The following RBFOX1 variants were observed in gnomAD, a reference collection of about 807,000 sequenced individuals.
RBFOX1 encodes the protein RNA binding protein fox-1 homolog 1.
In RBFOX1, 8 loss-of-function variants were observed where a neutral mutation model predicts 57.7. The ratio of observed to expected loss-of-function variants is 0.14; its 90% CI spans 0.08 to 0.25. RBFOX1 has a LOEUF of 0.25. Ranked by LOEUF, RBFOX1 falls within the 10% of genes least tolerant of loss-of-function variation. The pLI is 1.00. For synonymous variants in RBFOX1, 326 were observed against 222.4 expected (o/e 1.47, Z -4.15); for missense variants, 611 against 548.5 (o/e 1.11, Z -1.14).
rs575020810 is a variant in RBFOX1 at position 7,043,746 on chromosome 16, T to C, written c.-15-8311T>C. 1.1e-4 allele frequency among the ~76,000 whole-genome samples: 16 copies of C among 152,336 alleles called. No individual in the cohort carries two copies. In the East Asian group the frequency reaches 3.1e-3, roughly 29 times the overall value. On this transcript the variant is annotated intron_variant, in intron 3 of 15. Transcript: ENST00000550418. ...CATTTATTGTGTGTCTTCTGTTTCT[T>C]TGGACTCCTACTTTCCCCAGTTCAA... is the stretch of plus-strand genomic sequence containing the variant.
Position 5,787,453 on chromosome 16 carries a change from G to T in RBFOX1, c.319-79850G>T, listed in dbSNP as rs114999743. 7.1e-3 allele frequency among the ~76,000 whole-genome samples: 1,083 copies of T among 152,330 alleles called. 15 individuals carry two copies. The highest frequency in any genetic ancestry group is 0.025 in the African/African-American group (1,022 of 41,572). ...TGGTCATCTGAATAATAAAGTCACT[G>T]TAGTTTGCAGTGGGCTTACCTCATG... On this transcript the variant is annotated intron_variant, in intron 3 of 19. Transcript: ENST00000641259.
intron 3 of RBFOX1, among the ~76,000 whole-genome samples, chr16:6,984,198 G>A (rs775996036): frequency 2.4e-4 from 36 of 152,156 alleles, no homozygotes; most frequent in Admixed American, 1.2e-3. Flanking sequence ...GGTGAGCCGA[G>A]ATAGTGCCAT....
At chr16:7,313,776 G>C (rs145183390) in intron 4 of RBFOX1, among the ~76,000 whole-genome samples, 1 of 152,112 alleles carries the variant, frequency 6.6e-6, no homozygotes, top group Non-Finnish European at 1.5e-5. Context: ...CAAGGCTTAG[G>C]TGGGAGAGCT....
intron 3 of RBFOX1, among the ~76,000 whole-genome samples, chr16:6,861,020 C>G (rs183789858): frequency 7.2e-5 from 11 of 152,210 alleles, no homozygotes; most frequent in African/African-American, 2.2e-4. Flanking sequence ...AGTATGCCCA[C>G]CACTGTTAGG....
intron 1 of RBFOX1, among the ~76,000 whole-genome samples, chr16:6,220,346 C>T (rs2097364546): frequency 6.6e-6 from 1 of 152,078 alleles, no homozygotes; most frequent in Admixed American, 6.6e-5. Flanking sequence ...CTAGGCCCAC[C>T]CCTTTATTCT....
At chr16:6,637,473 A>ATATGTAAATG (rs2098454036) in intron 2 of RBFOX1, among the ~76,000 whole-genome samples, 1 of 79,320 alleles carries the variant, frequency 1.3e-5, no homozygotes, top group East Asian at 4.1e-4. Flanking sequence ...ATTATATATT[A>ATATGTAAATG]TATATAATAT....
chr16:5,475,998 C>T (rs759647350), intron 2 of RBFOX1, among the ~76,000 whole-genome samples: 2 of 152,042 alleles, frequency 1.3e-5, no homozygotes, highest in South Asian at 2.1e-4. Flanking sequence ...GCCAAGTGTA[C>T]GTGGCTTTGA....
chr16:6,637,281 A>ATATAT lies in RBFOX1; in HGVS notation c.-63-17321_-63-17317dup, dbSNP rs2098448381. The stretch of plus-strand genomic sequence containing the variant: ...AATATACAAATATATATTATATATT[A>ATATAT]TATATAATATATAATATACAAATAT... On this transcript the variant is annotated intron_variant, in intron 2 of 15. Transcript: ENST00000550418. 3.3e-5 allele frequency among the ~76,000 whole-genome samples: 2 copies of ATATAT among 61,380 alleles called. 1 individual carries two copies. The highest frequency in any genetic ancestry group is 1.7e-4 in the African/African-American group (2 of 11,756). The allele number at this position is 61,380 out of a possible 152,430, so 40.3% of individuals were successfully genotyped here.
At chr16:5,424,137 G>C (rs1056447514) in intron 1 of RBFOX1, among the ~76,000 whole-genome samples, 1 of 152,120 alleles carries the variant, frequency 6.6e-6, no homozygotes, top group Non-Finnish European at 1.5e-5. Context: ...ATCCCTCATG[G>C]TTAATAAACT....
At chr16:6,815,758 T>A (rs1408775792) in intron 3 of RBFOX1, among the ~76,000 whole-genome samples, 3 of 152,194 alleles carry the variant, frequency 2.0e-5, no homozygotes. Context: ...AGTCTATAGT[T>A]TGCAGCCAAA....
chr16:5,563,237 C>A (rs1184000914), intron 2 of RBFOX1, among the ~76,000 whole-genome samples: 1 of 152,204 alleles, frequency 6.6e-6, no homozygotes, highest in Non-Finnish European at 1.5e-5. Flanking sequence ...GCGTGAGCCA[C>A]CGCGCCCAGC....
At chr16:7,384,213 T>C (rs59459363) in intron 4 of RBFOX1, among the ~76,000 whole-genome samples, 2,296 of 151,932 alleles carry the variant, frequency 0.015, 59 homozygotes, top group African/African-American at 0.053. Context: ...ATGAAACATA[T>C]ATGAAATATA....
chr16:7,672,547 C>T (rs2146177800), intron 13 of RBFOX1, among the ~76,000 whole-genome samples: 1 of 152,126 alleles, frequency 6.6e-6, no homozygotes, highest in East Asian at 1.9e-4. Context: ...AGAACTGGAC[C>T]TCCAACTGCC....
chr16:6,155,360 G>A (rs1253725959), intron 1 of RBFOX1, among the ~76,000 whole-genome samples: 2 of 152,180 alleles, frequency 1.3e-5, no homozygotes, highest in Non-Finnish European at 2.9e-5. Flanking sequence ...CATCAGGGCA[G>A]CCTGGCCCAC....
Position 5,570,621 on chromosome 16 carries a change from C to T in RBFOX1, c.259-28281C>T, listed in dbSNP as rs149443103. On this transcript the variant is annotated intron_variant, in intron 2 of 2. Coordinates refer to the RBFOX1 transcript ENST00000585867. ...TTGGGAGGCCAAGGAAGAAGGATCA[C>T]CTGAGGTCAGGAGTTTGAGACCAGC... 1.4e-3 allele frequency among the ~76,000 whole-genome samples: 208 copies of T among 152,214 alleles called. 3 individuals carry two copies. Among genetic ancestry groups the T allele is most frequent in the Admixed American group, 0.012 (189 of 15,290 alleles).
chr16:5,275,611 C>T (rs1373250694), intron 1 of RBFOX1, among the ~76,000 whole-genome samples: 1 of 152,134 alleles, frequency 6.6e-6, no homozygotes, highest in Non-Finnish European at 1.5e-5. Context: ...ACCATACTGC[C>T]AAAAGCAGTT....
At chr16:6,181,082 A>G (rs993294195) in intron 1 of RBFOX1, among the ~76,000 whole-genome samples, 3 of 152,152 alleles carry the variant, frequency 2.0e-5, no homozygotes, top group African/African-American at 7.2e-5. Flanking sequence ...TTCCTTTGGT[A>G]TCACCTCTGC....
At chr16:6,614,494 A>T (rs556941135) in intron 2 of RBFOX1, among the ~76,000 whole-genome samples, 37 of 152,172 alleles carry the variant, frequency 2.4e-4, no homozygotes, top group Admixed American at 3.9e-4. Flanking sequence ...ATCACTGCGG[A>T]ATGTTTTGTG....
At chr16:7,095,093 G>C (rs1346278895) in intron 4 of RBFOX1, among the ~76,000 whole-genome samples, 2 of 151,992 alleles carry the variant, frequency 1.3e-5, no homozygotes, top group African/African-American at 4.8e-5. Context: ...GTTTTAACTA[G>C]AATGTTCTTT....
Sources: gnomAD v4.1 joint callset for allele counts (sites outside exome capture counted in the v4.1 genomes callset) on GRCh38, gnomAD v4.1.1 for gene constraint, MANE v1.5 for transcripts, NCBI Gene and HGNC (gene_info 2026-07-23, HGNC 2026-07-21) for gene names.